The following IRAK2 variants were observed in gnomAD, a reference collection of about 807,000 sequenced individuals.
IRAK2 encodes the protein interleukin 1 receptor associated kinase 2.
In IRAK2, 57 loss-of-function variants were observed where a neutral mutation model predicts 72.0. The ratio of observed to expected loss-of-function variants is 0.79; its 90% CI spans 0.64 to 0.99. IRAK2 has a LOEUF of 0.99. IRAK2 is among the 50% of genes least tolerant of loss of function. The probability of loss-of-function intolerance (pLI) is 0.00; values close to 1 mark genes in which losing one functional copy is unlikely to be tolerated. For missense variants in IRAK2, 790 were observed against 794.4 expected, an observed-to-expected ratio of 0.99 and a Z score of 0.07; for synonymous variants, 293 against 312.7, an observed-to-expected ratio of 0.94 and a Z score of 0.67.
At position 10,216,858 on chromosome 3, in the gene IRAK2, A is replaced by G. The variant is rs13314218; in HGVS notation, c.789-76A>G. ...GTGGCGTTGGAGGAGGAGAGGGCAG[A>G]AGAGGGGTGGGACATGAGGAAGTAG... On this transcript the variant is annotated intron_variant, in intron 6 of 12. Transcript: ENST00000256458. 1,311 of 1,104,776 alleles carry G rather than the reference A, an allele frequency of 1.2e-3. 11 individuals are homozygous for G. In the African/African-American group the frequency reaches 0.017, roughly 14 times the overall value. 68.4% of individuals were successfully genotyped at this position (1,104,776 alleles called of 1,614,324 possible).
chr3:10,204,627 T>C (rs966781400), intron 3 of IRAK2, among the ~76,000 whole-genome samples: 3 of 152,146 alleles, frequency 2.0e-5, no homozygotes, highest in Non-Finnish European at 4.4e-5. Flanking sequence ...CAGGCGCCTG[T>C]AATCCCAGCT....
intron 11 of IRAK2, among the ~76,000 whole-genome samples, chr3:10,236,588 T>C (rs1373979798): frequency 6.6e-6 from 1 of 151,962 alleles, no homozygotes; most frequent in Non-Finnish European, 1.5e-5. Flanking sequence ...CCTCAGGTGA[T>C]CCACCTGCCT....
intron 2 of IRAK2, among the ~76,000 whole-genome samples, chr3:10,180,050 C>T (rs1428291485): frequency 6.6e-6 from 1 of 152,168 alleles, no homozygotes; most frequent in Non-Finnish European, 1.5e-5. Flanking sequence ...TCTGAGAGAA[C>T]AGGATCATGT....
intron 7 of IRAK2, among the ~76,000 whole-genome samples, chr3:10,217,596 G>A (rs1465646628): frequency 6.6e-6 from 1 of 152,208 alleles, no homozygotes; most frequent in East Asian, 1.9e-4. Context: ...ACAAGAAACT[G>A]GTTTACTGGC....
intron 8 of IRAK2, among the ~76,000 whole-genome samples, chr3:10,220,148 G>C (rs1697666364): frequency 6.6e-6 from 1 of 152,262 alleles, no homozygotes; most frequent in South Asian, 2.1e-4. Flanking sequence ...CCAACCCCCT[G>C]GGATTTTGAG....
At chr3:10,222,512 G>C in intron 8 of IRAK2, 124 bp from the exon 9 acceptor site, 1 of 740,100 alleles carries the variant, frequency 1.4e-6, no homozygotes, top group Non-Finnish European at 2.4e-6. Flanking sequence ...CCATGCTGAG[G>C]GTCTTTAGAG....
At chr3:10,203,635 G>A (rs566421447) in intron 3 of IRAK2, among the ~76,000 whole-genome samples, 1 of 152,246 alleles carries the variant, frequency 6.6e-6, no homozygotes, top group South Asian at 2.1e-4. Context: ...AAATATGTTT[G>A]TTTGTTTTGT....
chr3:10,226,845 C>A (rs530211762), intron 10 of IRAK2, among the ~76,000 whole-genome samples: 1 of 151,130 alleles, frequency 6.6e-6, no homozygotes, highest in African/African-American at 2.4e-5. Flanking sequence ...ACTCGGGAGG[C>A]TGAGGCAGGA....
chr3:10,181,741 A>G (rs1472352306), intron 2 of IRAK2, among the ~76,000 whole-genome samples: 3 of 152,160 alleles, frequency 2.0e-5, no homozygotes, highest in Non-Finnish European at 2.9e-5. Flanking sequence ...ACCACACACA[A>G]AAAATACTTC....
chr3:10,199,712 G>A (rs751330066), intron 2 of IRAK2, among the ~76,000 whole-genome samples: 11 of 152,124 alleles, frequency 7.2e-5, no homozygotes, highest in Admixed American at 6.5e-5. Context: ...ACACCCCAGC[G>A]GGAGGCAAAC....
chr3:10,193,326 G>A (rs1697205468), intron 2 of IRAK2, among the ~76,000 whole-genome samples: 4 of 152,042 alleles, frequency 2.6e-5, no homozygotes, highest in Admixed American at 2.0e-4. Context: ...ATTCCAGGCT[G>A]GGTGCAGTGG....
At chr3:10,220,474 C>T (rs887347590) in intron 8 of IRAK2, among the ~76,000 whole-genome samples, 3 of 152,026 alleles carry the variant, frequency 2.0e-5, no homozygotes, top group South Asian at 2.1e-4. Context: ...CGGAGTTTCA[C>T]GCTTGTCACC....
chr3:10,242,383 A>G lies in IRAK2; in HGVS notation c.*155A>G. On this transcript the variant is annotated 3_prime_UTR_variant, in exon 13 of 13. Transcript: ENST00000256458. ...AGGGAAACTTCATTTCACTGGAATG[A>G]GTTGGGAGAGAAAGGCCCTCAGCTT... 1 of 477,768 alleles carries G rather than the reference A, an allele frequency of 2.1e-6. No individual in the cohort carries two copies. The allele number at this position is 477,768 out of a possible 1,614,324, so 29.6% of individuals were successfully genotyped here.
chr3:10,184,097 G>A (rs573869034), intron 2 of IRAK2, among the ~76,000 whole-genome samples: 1 of 152,158 alleles, frequency 6.6e-6, no homozygotes, highest in East Asian at 1.9e-4. Context: ...CATGCACATC[G>A]CAGACAGCAA....
intron 1 of IRAK2, among the ~76,000 whole-genome samples, chr3:10,172,348 C>T (rs748753107): frequency 2.6e-5 from 4 of 151,380 alleles, no homozygotes; most frequent in Non-Finnish European, 5.9e-5. Context: ...GCCTGGGCGA[C>T]AGAGCGAGAC....
At chr3:10,238,638 T>G in intron 11 of IRAK2, 110 bp from the exon 12 acceptor site, 6 of 1,026,442 alleles carry the variant, frequency 5.8e-6, no homozygotes, top group Non-Finnish European at 7.2e-6. Flanking sequence ...ACAACCAGCA[T>G]TAGGTTCTTC....
intron 1 of IRAK2, among the ~76,000 whole-genome samples, chr3:10,169,854 A>T (rs1696767971): frequency 6.6e-6 from 1 of 152,238 alleles, no homozygotes; most frequent in Non-Finnish European, 1.5e-5. Context: ...AAATGTCCAT[A>T]AAATCTTCAC....
chr3:10,177,335 C>T (rs1028801586), intron 1 of IRAK2, among the ~76,000 whole-genome samples: 6 of 152,186 alleles, frequency 3.9e-5, no homozygotes, highest in African/African-American at 1.2e-4. Flanking sequence ...CAGGGTCCTG[C>T]GGTGCCACCT....
chr3:10,192,061 T>TGTG (rs1553623790), intron 2 of IRAK2, among the ~76,000 whole-genome samples: 2 of 131,860 alleles, frequency 1.5e-5, no homozygotes, highest in African/African-American at 6.5e-5. Context: ...TGTGTGTGTG[T>TGTG]TGTGTGTTGT....
Sources: gnomAD v4.1 joint callset for allele counts (sites outside exome capture counted in the v4.1 genomes callset) on GRCh38, gnomAD v4.1.1 for gene constraint, MANE v1.5 for transcripts, NCBI Gene and HGNC (gene_info 2026-07-23, HGNC 2026-07-21) for gene names.